Variants in CORO1A observed in about 807,000 individuals in gnomAD.
CORO1A encodes coronin-1A.
CORO1A carries 17 observed loss-of-function variants against 44.1 expected under a neutral mutation model. The ratio of observed to expected loss-of-function variants is 0.39; its 90% CI spans 0.26 to 0.58. The LOEUF (loss-of-function observed/expected upper bound fraction) is 0.58. Among genes scored for constraint, CORO1A ranks in the 20% least tolerant of loss-of-function variants. CORO1A has a pLI of 0.62. For synonymous variants in CORO1A, 271 were observed against 244.2 expected, an observed-to-expected ratio of 1.11 and a Z score of -1.02; for missense variants, 415 against 606.5, an observed-to-expected ratio of 0.68 and a Z score of 3.32.
At chr16:30,186,525 C>A in intron 2 of CORO1A, 73 bp from the exon 3 acceptor site, 3 of 1,587,886 alleles carry the variant, frequency 1.9e-6, no homozygotes, top group South Asian at 2.2e-5. Flanking sequence ...CTGGGCCTCT[C>A]TGAAGGAGGT....
chr16:30,188,718 T>A lies in CORO1A; in HGVS notation c.1281+142T>A, dbSNP rs370198831. The A allele has an allele frequency of 1.8e-5, 12 of 668,176 alleles. No individual in the cohort carries two copies. In the East Asian group the frequency reaches 2.0e-4, roughly 11 times the overall value. 41.4% of individuals were successfully genotyped at this position (668,176 alleles called of 1,614,324 possible). A position where few individuals can be genotyped will look rare whatever the true frequency, so the allele number is the denominator to read the frequency against. On this transcript the variant is annotated intron_variant, in intron 10 of 10. Transcript: ENST00000219150. ...AGGCCTCAGAACACAGGTTTCAGAT[T>A]GATAGGCCTGCAGGTCTCCAGGCAG...
intron 2 of CORO1A, 26 bp downstream of exon 2, chr16:30,185,433 G>C: frequency 1.2e-6 from 2 of 1,600,246 alleles, no homozygotes; most frequent in Non-Finnish European, 1.7e-6. Context: ...CCTGGGGGGA[G>C]CAGCTCCTCC....
In CORO1A at chr16:30,187,488, C is replaced by T. The variant is rs1426015041; in HGVS notation, c.743C>T (p.Ala248Val). The change falls in exon 6 of 11, where the codon GCG (alanine) becomes GTG (valine). Residue 248 changes from alanine to valine, a missense_variant. Ala to Val is a moderately conservative substitution (Grantham distance 64). Transcript: ENST00000219150. ...AGCCGCATGAGTGAGCGGCAGGTGG[C>T]GCTGTGGGACACAGTGAGTGCTGGG... ...GFSRMSERQV[A>V]LWDTKHLEEP... is the part of the protein sequence containing the mutation. The T allele has an allele frequency of 3.7e-6, 6 of 1,605,004 alleles. No homozygotes were observed. Among genetic ancestry groups the T allele is most frequent in the Non-Finnish European group, 4.2e-6 (5 of 1,179,786 alleles).
intron 6 of CORO1A, 60 bp from the exon 7 acceptor site, chr16:30,187,665 C>T (rs1343365659): frequency 6.7e-7 from 1 of 1,489,596 alleles, no homozygotes; most frequent in East Asian, 2.3e-5. Context: ...TCACAGGTCA[C>T]TGCCCAGGGA....
chr16:30,187,617 G>A (rs772821967), intron 6 of CORO1A, 108 bp from the exon 7 acceptor site: 23 of 1,496,794 alleles, frequency 1.5e-5, no homozygotes, highest in Admixed American at 7.3e-5. Flanking sequence ...TTACCCAGGC[G>A]TGAGATGGTT....
intron 9 of CORO1A, 50 bp from the exon 10 acceptor site, chr16:30,188,311 G>A (rs368589751): frequency 6.2e-7 from 1 of 1,612,050 alleles, no homozygotes; most frequent in South Asian, 1.1e-5. Context: ...GTCTTGTGGG[G>A]GGTGTCCTGG....
chr16:30,187,675 A>C (rs755665808), intron 6 of CORO1A, 50 bp from the exon 7 acceptor site: 57 of 1,506,200 alleles, frequency 3.8e-5, no homozygotes, highest in Admixed American at 5.0e-5. Flanking sequence ...CTGCCCAGGG[A>C]AGACCACCAT....
At position 30,185,424 on chromosome 16, in the gene CORO1A, C is replaced by T. The variant is rs772480582; in HGVS notation, c.198+17C>T. The T allele has an allele frequency of 4.1e-5, 66 of 1,608,754 alleles. 3 individuals are homozygous for T. In the South Asian group the frequency reaches 7.1e-4, roughly 17 times the overall value. On this transcript the variant is annotated intron_variant, in intron 2 of 10. Transcript: ENST00000219150. ...CTGGGCAAGGTGAGCCCCTGGGGCC[C>T]TGGGGGGAGCAGCTCCTCCACCGGA...
Position 30,188,082 on chromosome 16 carries a change from C to T in CORO1A, c.1002C>T (p.Ile334=), listed in dbSNP as rs377351892. The change falls in exon 8 of 11, where the codon ATC becomes ATT. Residue 334 remains isoleucine, a synonymous_variant. Coordinates refer to ENST00000219150, the MANE Select transcript of CORO1A (RefSeq NM_007074.4). ...GCCTGGAGGTGAACAAGTGTGAGAT[C>T]GCCAGGTGACTGACCCCCGGCCCTG... ...KRGLEVNKCE[I]ARFYKLHERR... 91 of 1,613,530 alleles carry T rather than the reference C, an allele frequency of 5.6e-5. No individual in the cohort carries two copies. Among genetic ancestry groups the T allele is most frequent in the Non-Finnish European group, 7.2e-5 (85 of 1,180,020 alleles).
rs1212768676 is a variant in CORO1A, at chr16:30,185,249, G to A, written c.40G>A (p.Val14Met). The A allele has an allele frequency of 6.2e-7, 1 of 1,614,172 alleles. No homozygotes were observed. Among genetic ancestry groups the A allele is most frequent in the Non-Finnish European group, 8.5e-7 (1 of 1,180,014 alleles). The change falls in exon 2 of 11, where the codon GTG becomes ATG. Residue 14 changes from valine to methionine, a missense_variant. Physicochemically the swap from Val to Met is conservative, Grantham distance 21. This residue lies in a region of CORO1A where 325 missense variants were observed against 521.7 expected (regional missense o/e 0.62). Coordinates refer to ENST00000219150, the MANE Select transcript of CORO1A (RefSeq NM_007074.4). ...GGTCCGCTCCAGCAAGTTCCGCCAC[G>A]TGTTTGGACAGCCGGCCAAGGCCGA... ...QVVRSSKFRH[V>M]FGQPAKADQC...
Position 30,188,341 on chromosome 16 carries a change from A to G in CORO1A, c.1066-20A>G. 4 of 1,613,384 alleles carry G rather than the reference A, an allele frequency of 2.5e-6. No homozygotes were observed. Among genetic ancestry groups the G allele is most frequent in the East Asian group, 2.2e-5 (1 of 44,852 alleles). On this transcript the variant is annotated intron_variant, in intron 9 of 10. Transcript: ENST00000219150. ...TCCTGGCATAAGCGCTTTCCTCACT[A>G]TCCCTGGCCTTGCCCACAGTCGGAC...
chr16:30,187,737 GAGC>G lies in CORO1A; in HGVS notation c.770_772del (p.Glu257_Pro258delinsAla). 3.1e-6 allele frequency: 5 copies of G among 1,611,922 alleles called. No individual in the cohort carries two copies. The highest frequency in any genetic ancestry group is 3.4e-6 in the Non-Finnish European group (4 of 1,178,750). On this transcript the variant is annotated inframe_deletion, in exon 7 of 11. Transcript: ENST00000219150. ...CCTGTGTCTACAGAAGCACCTGGAG[GAGC>G]CGCTGTCCCTGCAGGAGCTGGACAC... is the stretch of plus-strand genomic sequence containing the variant.
chr16:30,188,505 C>G lies in CORO1A; in HGVS notation c.1210C>G (p.Leu404Val), dbSNP rs11555339. ...DGYVPPKSRELRVNRGLDTGR... is the reference protein window; with the variant it reads ...DGYVPPKSREVRVNRGLDTGR... ...CTACGTACCCCCAAAGAGCCGGGAG[C>G]TGAGGGTCAACCGGGGCCTGGACAC... Residue 404 changes from leucine (L) to valine (V), a missense_variant, in exon 10 of 11, where the codon CTG becomes GTG. By Grantham distance (32) the Leu-to-Val change is conservative. This residue lies in a region of CORO1A where 90 missense variants were observed against 84.7 expected (regional missense o/e 1.06). Coordinates refer to ENST00000219150, the MANE Select transcript of CORO1A (RefSeq NM_007074.4). 42 of 1,612,822 alleles carry G rather than the reference C, an allele frequency of 2.6e-5. No homozygotes were observed. The highest frequency in any genetic ancestry group is 3.3e-5 in the Non-Finnish European group (39 of 1,179,940).
At chr16:30,185,074 G>A in intron 1 of CORO1A, 135 bp from the exon 2 acceptor site, 1 of 839,376 alleles carries the variant, frequency 1.2e-6, no homozygotes, top group Non-Finnish European at 2.0e-6. Flanking sequence ...GCCACAGAGG[G>A]AAGAATAGGG....
chr16:30,185,457 C>T (rs2073323478), intron 2 of CORO1A, 50 bp downstream of exon 2: 2 of 1,543,168 alleles, frequency 1.3e-6, no homozygotes, highest in East Asian at 2.3e-5. Flanking sequence ...GGACCCATGG[C>T]TCTGTGCAGG....
In CORO1A at chr16:30,186,711, C is replaced by T; in HGVS notation, c.312C>T (p.Cys104=). 2 of 1,612,298 alleles carry T rather than the reference C, an allele frequency of 1.2e-6. No homozygotes were observed. The highest frequency in any genetic ancestry group is 1.7e-6 in the Non-Finnish European group (2 of 1,179,788). Reference sequence around the variant, plus strand: ...TCATTGCCAGTGGCTCCGAGGACTGCACAGTCATGGTGAGTGGTGGTGGGG... The same window carrying T: ...TCATTGCCAGTGGCTCCGAGGACTGTACAGTCATGGTGAGTGGTGGTGGGG... ...DNVIASGSED[C]TVMVWEIPDG... Residue 104 remains cysteine, a synonymous_variant, in exon 3 of 11, where the codon TGC becomes TGT. Transcript: ENST00000219150.
chr16:30,185,139 G>A, intron 1 of CORO1A, 70 bp from the exon 2 acceptor site: 3 of 1,486,662 alleles, frequency 2.0e-6, no homozygotes, highest in Non-Finnish European at 2.8e-6. Context: ...GTGTCCTGGG[G>A]GAGGTGGGGA....
intron 1 of CORO1A, 34 bp from the exon 2 acceptor site, chr16:30,185,175 A>C (rs2073319066): frequency 4.3e-6 from 7 of 1,609,308 alleles, no homozygotes; most frequent in African/African-American, 1.3e-5. Context: ...AGTTGACCTG[A>C]AGGGAGAAAT....
At chr16:30,187,865 G>GGGGGGGGGGGGGGGCCCGGGGGGGC in intron 7 of CORO1A, 36 bp downstream of exon 7, 1 of 513,370 alleles carries the variant, frequency 1.9e-6, no homozygotes, top group Non-Finnish European at 3.6e-6. Context: ...TGGGAGGTGG[G>GGGGGGGGGGGGGGGCCCGGGGGGGC]CAGGATGGGC....
Sources: allele counts gnomAD v4.1 joint callset, GRCh38; gene constraint gnomAD v4.1.1; regional missense constraint gnomAD v4.1.1; transcripts MANE v1.5; gene names NCBI Gene and HGNC (gene_info 2026-07-23, HGNC 2026-07-21).